Variants in NLGN1 observed in about 807,000 individuals in gnomAD.
NLGN1 encodes neuroligin-1.
A neutral mutation model predicts 65.5 loss-of-function variants in NLGN1; 12 were observed. That is an observed-to-expected ratio of 0.18 (90% CI 0.12 to 0.30). The LOEUF (loss-of-function observed/expected upper bound fraction) is 0.30, where lower values mean the gene tolerates loss of function less well. Among genes scored for constraint, NLGN1 ranks in the 10% least tolerant of loss-of-function variants. NLGN1 has a pLI of 1.00. For missense variants in NLGN1, 750 were observed against 1,007.1 expected (o/e 0.74, Z 3.46); for synonymous variants, 350 against 359.5 (o/e 0.97, Z 0.30).
intron 4 of NLGN1, among the ~76,000 whole-genome samples, chr3:174,257,417 A>C (rs1313812885): frequency 6.6e-6 from 1 of 152,182 alleles, no homozygotes; most frequent in Non-Finnish European, 1.5e-5. Context: ...TATATATCCA[A>C]AGGAATATTA....
intron 3 of NLGN1, among the ~76,000 whole-genome samples, chr3:173,646,169 C>T (rs1259123730): frequency 2.0e-5 from 3 of 151,940 alleles, no homozygotes; most frequent in Non-Finnish European, 4.4e-5. Context: ...TCTTATAGAT[C>T]GTTTTTAAAT....
chr3:173,627,608 G>T (rs531575777), intron 3 of NLGN1, among the ~76,000 whole-genome samples: 2 of 151,862 alleles, frequency 1.3e-5, no homozygotes, highest in African/African-American at 2.4e-5. Context: ...ATTTTTTGAG[G>T]AATCTGCCAT....
At chr3:174,146,098 T>C (rs1006128670) in intron 4 of NLGN1, among the ~76,000 whole-genome samples, 7 of 54,428 alleles carry the variant, frequency 1.3e-4, no homozygotes, top group Non-Finnish European at 1.9e-4. Flanking sequence ...ACTCTTTTCC[T>C]TCCTTCCTTC....
chr3:173,654,620 T>C (rs898882010), intron 3 of NLGN1, among the ~76,000 whole-genome samples: 1 of 152,174 alleles, frequency 6.6e-6, no homozygotes, highest in Non-Finnish European at 1.5e-5. Flanking sequence ...TTGTGATTGA[T>C]ATATATGTTT....
At chr3:174,050,167 A>G (rs1734502643) in intron 4 of NLGN1, among the ~76,000 whole-genome samples, 1 of 152,138 alleles carries the variant, frequency 6.6e-6, no homozygotes, top group South Asian at 2.1e-4. Context: ...ATTATAGAAT[A>G]ATATTTTATT....
At chr3:173,624,083 A>AC (rs1754445752) in intron 3 of NLGN1, among the ~76,000 whole-genome samples, 1 of 152,094 alleles carries the variant, frequency 6.6e-6, no homozygotes, top group Non-Finnish European at 1.5e-5. Flanking sequence ...AGCTGTTGAT[A>AC]GAGTTCTTGA....
chr3:174,065,179 A>G (rs1485219593), intron 4 of NLGN1, among the ~76,000 whole-genome samples: 2 of 152,052 alleles, frequency 1.3e-5, no homozygotes, highest in Non-Finnish European at 2.9e-5. Context: ...GTAAAATATG[A>G]CAGCATTTGC....
chr3:174,167,895 G>A (rs937428002), intron 4 of NLGN1, among the ~76,000 whole-genome samples: 6 of 151,532 alleles, frequency 4.0e-5, no homozygotes, highest in African/African-American at 1.5e-4. Flanking sequence ...GCTTTCCTCA[G>A]TTTAAAAATT....
intron 4 of NLGN1, among the ~76,000 whole-genome samples, chr3:174,027,197 A>G (rs192755388): frequency 1.2e-4 from 18 of 152,286 alleles, no homozygotes; most frequent in Admixed American, 9.8e-4. Context: ...AGGAATTCCT[A>G]AAAATGTTCT....
chr3:173,752,173 C>T (rs1041992722), intron 3 of NLGN1, among the ~76,000 whole-genome samples: 1 of 152,072 alleles, frequency 6.6e-6, no homozygotes, highest in African/African-American at 2.4e-5. Flanking sequence ...TGCCAAATAC[C>T]TCTTCTGCCA....
intron 4 of NLGN1, among the ~76,000 whole-genome samples, chr3:174,058,865 C>T (rs1195740612): frequency 6.6e-6 from 1 of 152,018 alleles, no homozygotes; most frequent in Non-Finnish European, 1.5e-5. Flanking sequence ...ACTTCCTTGT[C>T]TATAGATAAT....
chr3:173,456,876 A>G (rs1383037868), intron 2 of NLGN1, among the ~76,000 whole-genome samples: 1 of 152,040 alleles, frequency 6.6e-6, no homozygotes, highest in Non-Finnish European at 1.5e-5. Context: ...AAAGATGATT[A>G]TTTTCTGTAT....
chr3:174,063,224 A>G (rs963474031), intron 4 of NLGN1, among the ~76,000 whole-genome samples: 2 of 152,204 alleles, frequency 1.3e-5, no homozygotes, highest in African/African-American at 4.8e-5. Context: ...AAAGACTGTG[A>G]AAACTGAACT....
At chr3:174,220,395 T>C (rs149323035) in intron 4 of NLGN1, among the ~76,000 whole-genome samples, 53 of 152,118 alleles carry the variant, frequency 3.5e-4, no homozygotes, top group Non-Finnish European at 6.9e-4. Flanking sequence ...CCTAGAGATA[T>C]ATAATTAATA....
chr3:173,869,881 A>G (rs1343310370), intron 4 of NLGN1, among the ~76,000 whole-genome samples: 1 of 152,168 alleles, frequency 6.6e-6, no homozygotes, highest in Non-Finnish European at 1.5e-5. Flanking sequence ...TTACAGTTTC[A>G]GACTGTATCA....
chr3:174,262,273 C>T (rs1252384781), intron 4 of NLGN1, among the ~76,000 whole-genome samples: 1 of 95,522 alleles, frequency 1.0e-5, no homozygotes, highest in Non-Finnish European at 2.0e-5. Context: ...CCAGTTCCTC[C>T]TTGTACCTCT....
At chr3:174,198,362 T>C (rs961170749) in intron 4 of NLGN1, among the ~76,000 whole-genome samples, 3 of 152,218 alleles carry the variant, frequency 2.0e-5, no homozygotes, top group Non-Finnish European at 4.4e-5. Flanking sequence ...CTGGATAGCC[T>C]GTGTTCTTGG....
intron 4 of NLGN1, among the ~76,000 whole-genome samples, chr3:174,251,575 A>C (rs2152843132): frequency 6.6e-6 from 1 of 152,320 alleles, no homozygotes; most frequent in Non-Finnish European, 1.5e-5. Flanking sequence ...AAAAAAAGTT[A>C]GCTTGTTGCA....
chr3:173,719,147 T>C (rs911947127), intron 3 of NLGN1, among the ~76,000 whole-genome samples: 1 of 152,186 alleles, frequency 6.6e-6, no homozygotes, highest in African/African-American at 2.4e-5. Context: ...AGATATGTTA[T>C]TGATTCTATG....
Sources: allele counts gnomAD v4.1 joint callset (sites outside exome capture counted in the v4.1 genomes callset), GRCh38; gene constraint gnomAD v4.1.1; transcripts MANE v1.5; gene names NCBI Gene and HGNC (gene_info 2026-07-23, HGNC 2026-07-21).